The following ULK4 variants were observed in gnomAD, a reference collection of about 807,000 sequenced individuals.
ULK4 encodes the protein inactive serine/threonine-protein kinase ULK4.
Under a neutral mutation model 160.6 loss-of-function variants are expected in ULK4, and 133 were observed. The observed-to-expected ratio is 0.83, with a 90% CI of 0.72 to 0.96. ULK4 has a LOEUF of 0.96. Among genes scored for constraint, ULK4 ranks in the 40% least tolerant of loss-of-function variants. ULK4 has a pLI of 0.00. For synonymous variants in ULK4, 534 were observed against 539.8 expected (o/e 0.99, Z 0.15); for missense variants, 1,580 against 1,499.5 (o/e 1.05, Z -0.89).
At chr3:41,800,405 T>A (rs1026393914) in intron 19 of ULK4, 112 bp from the exon 20 acceptor site, 5 of 999,922 alleles carry the variant, frequency 5.0e-6, no homozygotes, top group Non-Finnish European at 7.4e-6. Context: ...TGCCTCTGGA[T>A]GTGTTAGGCA....
chr3:41,541,837 G>A (rs149955688), intron 32 of ULK4, among the ~76,000 whole-genome samples: 131 of 151,974 alleles, frequency 8.6e-4, no homozygotes, highest in Middle Eastern at 3.4e-3. Context: ...TTGGTGTACA[G>A]GAACACTTGT....
At chr3:41,760,920 T>C (rs1003655218) in intron 21 of ULK4, among the ~76,000 whole-genome samples, 1 of 152,230 alleles carries the variant, frequency 6.6e-6, no homozygotes, top group Non-Finnish European at 1.5e-5. Flanking sequence ...TACTCAGCAG[T>C]AATGAACTAC....
At chr3:41,874,605 G>C (rs1378069889) in intron 17 of ULK4, among the ~76,000 whole-genome samples, 2 of 152,148 alleles carry the variant, frequency 1.3e-5, no homozygotes, top group African/African-American at 4.8e-5. Context: ...TGTAACTCAG[G>C]AATAGAAATC....
chr3:41,739,391 T>C (rs2038163924), intron 22 of ULK4, among the ~76,000 whole-genome samples: 2 of 151,854 alleles, frequency 1.3e-5, no homozygotes, highest in African/African-American at 4.9e-5. Flanking sequence ...TGGCACCAAA[T>C]GAAAGTGGAC....
At chr3:41,455,905 C>T (rs1416863628) in intron 33 of ULK4, among the ~76,000 whole-genome samples, 1 of 151,976 alleles carries the variant, frequency 6.6e-6, no homozygotes, top group South Asian at 2.1e-4. Flanking sequence ...AGTGAGGAAG[C>T]GCTTAATCTT....
At chr3:41,519,968 C>T (rs1225740765) in intron 32 of ULK4, among the ~76,000 whole-genome samples, 4 of 152,210 alleles carry the variant, frequency 2.6e-5, no homozygotes, top group African/African-American at 7.2e-5. Flanking sequence ...CCCAAAGTCT[C>T]TGCAAGGCTA....
chr3:41,460,223 C>G (rs977808308), intron 33 of ULK4, among the ~76,000 whole-genome samples: 3 of 152,162 alleles, frequency 2.0e-5, no homozygotes, highest in Admixed American at 2.0e-4. Context: ...AATGGTCCTA[C>G]TATCAGGAGG....
At chr3:41,685,889 C>A (rs1489705251) in intron 27 of ULK4, among the ~76,000 whole-genome samples, 1 of 152,088 alleles carries the variant, frequency 6.6e-6, no homozygotes, top group African/African-American at 2.4e-5. Context: ...ACTGAGAGCC[C>A]AAGGACCATG....
intron 32 of ULK4, among the ~76,000 whole-genome samples, chr3:41,467,384 T>C (rs1040866383): frequency 2.0e-5 from 3 of 151,970 alleles, no homozygotes; most frequent in African/African-American, 7.2e-5. Flanking sequence ...AAAAATTAGC[T>C]GGGCATGGTG....
At chr3:41,259,062 A>G (rs1159170471) in intron 35 of ULK4, among the ~76,000 whole-genome samples, 4 of 149,212 alleles carry the variant, frequency 2.7e-5, no homozygotes, top group African/African-American at 4.9e-5. Context: ...ATGTATATGT[A>G]TATGTGTATA....
rs1365826881 is a variant in ULK4, at chr3:41,688,855, T to C, written c.2782-7051A>G. ...TTTGCTTCTGGAAGCCTGAATATAC[T>C]GGTGGTAGCCAGACTATATAAGACA... On this transcript the variant is annotated intron_variant, in intron 27 of 36. Coordinates refer to ENST00000301831, the MANE Select transcript of ULK4 (RefSeq NM_017886.4). Among the ~76,000 whole-genome samples the C allele has an allele frequency of 2.0e-5, 3 of 152,326 alleles. No individual in the cohort carries two copies. The East Asian group carries it at 5.8e-4, about 29-fold the overall frequency.
chr3:41,288,187 G>A (rs4973933), intron 35 of ULK4, among the ~76,000 whole-genome samples: 84,436 of 151,882 alleles, frequency 0.56, 25,293 homozygotes, highest in African/African-American at 0.8. Context: ...TTGAAATACA[G>A]CAAGTAGTAG....
chr3:41,577,110 C>A (rs1165124121), intron 31 of ULK4, among the ~76,000 whole-genome samples: 1 of 152,026 alleles, frequency 6.6e-6, no homozygotes, highest in Non-Finnish European at 1.5e-5. Context: ...GTAAATCCTG[C>A]AGGAAAAATA....
chr3:41,434,433 T>C (rs1001867666), intron 34 of ULK4, among the ~76,000 whole-genome samples: 1 of 152,212 alleles, frequency 6.6e-6, no homozygotes, highest in Admixed American at 6.5e-5. Context: ...TATACATTTA[T>C]TTATACCCAC....
At chr3:41,303,347 C>T (rs2079836536) in intron 35 of ULK4, among the ~76,000 whole-genome samples, 1 of 152,172 alleles carries the variant, frequency 6.6e-6, no homozygotes, top group African/African-American at 2.4e-5. Flanking sequence ...AACAATTTAG[C>T]ATTTCTAGTT....
chr3:41,823,021 C>T (rs570429932), intron 18 of ULK4, among the ~76,000 whole-genome samples: 6 of 134,060 alleles, frequency 4.5e-5, no homozygotes, highest in East Asian at 2.0e-4. Flanking sequence ...CACGCCCGGC[C>T]GAGATTTTTT....
rs141102392 is a variant in ULK4 at position 41,753,180 on chromosome 3, C to T, written c.2321+1181G>A. On this transcript the variant is annotated intron_variant, in intron 22 of 36. Coordinates refer to ENST00000301831, the MANE Select transcript of ULK4 (RefSeq NM_017886.4). ...GCTCCAGTGAGCCATGATTACACCA[C>T]TGCACTCCAGCCTGGGCAACAGAGT... is the stretch of plus-strand genomic sequence containing the variant. Among the ~76,000 whole-genome samples, 100 of 152,294 alleles carry T rather than the reference C, an allele frequency of 6.6e-4. No individual in the cohort carries two copies. In the South Asian group the frequency reaches 0.013, roughly 20 times the overall value.
At chr3:41,922,749 T>A (rs1339996470) in intron 5 of ULK4, among the ~76,000 whole-genome samples, 1 of 150,860 alleles carries the variant, frequency 6.6e-6, no homozygotes, top group Non-Finnish European at 1.5e-5. Context: ...GAGAAAAAAA[T>A]GGGAAAATCT....
intron 31 of ULK4, among the ~76,000 whole-genome samples, chr3:41,573,900 G>C (rs73830248): frequency 0.061 from 9,348 of 152,228 alleles, 855 homozygotes; most frequent in African/African-American, 0.2. Flanking sequence ...GAGTATTCAA[G>C]TGAAATAAAT....
Sources: gnomAD v4.1 joint callset for allele counts (sites outside exome capture counted in the v4.1 genomes callset) on GRCh38, gnomAD v4.1.1 for gene constraint, MANE v1.5 for transcripts, NCBI Gene and HGNC (gene_info 2026-07-23, HGNC 2026-07-21) for gene names.